The following RELN variants were observed in gnomAD, a reference collection of about 807,000 sequenced individuals.
RELN encodes reelin.
Under a neutral mutation model 427.6 loss-of-function variants are expected in RELN, and 108 were observed. The observed-to-expected ratio is 0.25, with a 90% confidence interval of 0.22 to 0.30. The LOEUF is 0.30. Among genes scored for constraint, RELN ranks in the 10% least tolerant of loss-of-function variants. RELN has a pLI of 1.00. For missense variants in RELN, 3,715 were observed against 4,302.8 expected (o/e 0.86, Z 3.82); for synonymous variants, 1,524 against 1,513.4 (o/e 1.01, Z -0.16).
At position 103,530,448 on chromosome 7, in the gene RELN, C is replaced by T. The variant is rs114814631; in HGVS notation, c.7349+4868G>A. Reference sequence around the variant, plus strand: ...CACTTAGAAGTTATTGTCACAACACCTTTGCACCCTCCTCTTATGTGAATC... The same window carrying T: ...CACTTAGAAGTTATTGTCACAACACTTTTGCACCCTCCTCTTATGTGAATC... On this transcript the variant is annotated intron_variant, in intron 46 of 64. Coordinates refer to ENST00000428762, the MANE Select transcript of RELN (RefSeq NM_005045.4). Among the ~76,000 whole-genome samples the T allele has an allele frequency of 4.4e-3, 667 of 152,296 alleles. 3 individuals are homozygous for T. Among genetic ancestry groups the T allele is most frequent in the African/African-American group, 0.015 (638 of 41,562 alleles).
rs373995185 is a variant in RELN, at chr7:103,717,928, T to C, written c.805+5212A>G. ...AAGAGTTGAGAGAGAATTTCTCTAC[T>C]GAATCAAGTTCTGAGTAATTAAGAT... is the stretch of plus-strand genomic sequence containing the variant. On this transcript the variant is annotated intron_variant, in intron 8 of 64. Coordinates refer to ENST00000428762, the MANE Select transcript of RELN (RefSeq NM_005045.4). 3.9e-5 allele frequency among the ~76,000 whole-genome samples: 6 copies of C among 152,326 alleles called. No individual in the cohort carries two copies. In the East Asian group the frequency reaches 5.8e-4, roughly 15 times the overall value.
At chr7:103,699,066 C>T (rs1298108318) in intron 9 of RELN, among the ~76,000 whole-genome samples, 1 of 152,038 alleles carries the variant, frequency 6.6e-6, no homozygotes, top group Non-Finnish European at 1.5e-5. Context: ...TACTAGAATC[C>T]AGATCCTTCT....
chr7:103,819,579 G>A (rs1792966504), intron 3 of RELN, among the ~76,000 whole-genome samples: 2 of 152,116 alleles, frequency 1.3e-5, no homozygotes, highest in Admixed American at 6.6e-5. Flanking sequence ...GATCTTTGGA[G>A]AGGTCATCTC....
At chr7:103,561,755 A>T (rs1830646852) in intron 35 of RELN, 46 bp from the exon 36 acceptor site, 2 of 1,613,786 alleles carry the variant, frequency 1.2e-6, no homozygotes, top group Non-Finnish European at 8.5e-7. Flanking sequence ...CACACGTTCA[A>T]CAAGCCATAT....
At chr7:103,522,439 A>G (rs1184731462) in intron 47 of RELN, among the ~76,000 whole-genome samples, 1 of 152,218 alleles carries the variant, frequency 6.6e-6, no homozygotes, top group African/African-American at 2.4e-5. Flanking sequence ...GTGGAGAGAA[A>G]GAAGCAACTT....
intron 1 of RELN, among the ~76,000 whole-genome samples, chr7:103,962,141 C>T (rs543725128): frequency 6.6e-6 from 1 of 152,070 alleles, no homozygotes; most frequent in African/African-American, 2.4e-5. Context: ...TTATAGAAAG[C>T]GATATTCAAC....
intron 4 of RELN, among the ~76,000 whole-genome samples, chr7:103,774,131 A>G (rs1791676422): frequency 1.3e-5 from 2 of 151,934 alleles, no homozygotes. Flanking sequence ...CCTCGTCTCT[A>G]CTAAAAATAC....
chr7:103,600,621 A>G (rs1450748533), intron 24 of RELN, among the ~76,000 whole-genome samples: 1 of 152,130 alleles, frequency 6.6e-6, no homozygotes, highest in East Asian at 1.9e-4. Flanking sequence ...CCCATAAATC[A>G]AATTTCTCCC....
intron 10 of RELN, among the ~76,000 whole-genome samples, chr7:103,696,239 T>C (rs1020427923): frequency 6.6e-6 from 1 of 152,166 alleles, no homozygotes; most frequent in African/African-American, 2.4e-5. Context: ...TATTTTCATA[T>C]GTTGGAAACT....
chr7:103,989,447 G>A lies in RELN; in HGVS notation c.-91C>T. 8 of 1,138,902 alleles carry A rather than the reference G, an allele frequency of 7.0e-6. No individual in the cohort carries two copies. Among genetic ancestry groups the A allele is most frequent in the South Asian group, 4.5e-5 (2 of 44,588 alleles). 70.5% of individuals were successfully genotyped at this position (1,138,902 alleles called of 1,614,324 possible). ...CCGGGACGGAGGAGCCACGCGGAGA[G>A]AAGGCGAGAAGAAGGCGGACGGGAG... On this transcript the variant is annotated 5_prime_UTR_variant, in exon 1 of 65. Coordinates refer to ENST00000428762, the MANE Select transcript of RELN (RefSeq NM_005045.4). The surrounding 1 kb of genome is among the most constrained non-coding windows in gnomAD (Gnocchi z 4.9).
At chr7:103,575,434 G>T in intron 29 of RELN, 114 bp downstream of exon 29, 8 of 1,235,812 alleles carry the variant, frequency 6.5e-6, no homozygotes, top group Non-Finnish European at 9.5e-6. Flanking sequence ...ACAATTCCTA[G>T]ACTTAAAGAG....
At chr7:103,829,093 G>A (rs191838941) in intron 3 of RELN, among the ~76,000 whole-genome samples, 56 of 152,084 alleles carry the variant, frequency 3.7e-4, no homozygotes, top group Non-Finnish European at 6.0e-4. Flanking sequence ...TGCAAACTGA[G>A]ATAATAATAG....
chr7:103,815,968 T>A (rs1283643129), intron 3 of RELN, among the ~76,000 whole-genome samples: 1 of 152,212 alleles, frequency 6.6e-6, no homozygotes, highest in Non-Finnish European at 1.5e-5. Flanking sequence ...TCTAGCAAGT[T>A]AAACTGTTAT....
chr7:103,932,418 G>GA (rs1390890314), intron 1 of RELN, among the ~76,000 whole-genome samples: 1 of 152,128 alleles, frequency 6.6e-6, no homozygotes, highest in Non-Finnish European at 1.5e-5. Context: ...GAGAGGAGCA[G>GA]AAAACAACAA....
intron 1 of RELN, among the ~76,000 whole-genome samples, chr7:103,924,972 G>A (rs1052001793): frequency 1.4e-5 from 2 of 140,640 alleles, no homozygotes; most frequent in African/African-American, 5.3e-5. Flanking sequence ...TCTGACACAC[G>A]TGTGCATGCG....
At chr7:103,581,646 C>A (rs1389708131) in intron 28 of RELN, among the ~76,000 whole-genome samples, 3 of 152,156 alleles carry the variant, frequency 2.0e-5, no homozygotes, top group Non-Finnish European at 2.9e-5. Flanking sequence ...CTCTGTAGTG[C>A]AACTTTAATG....
intron 3 of RELN, among the ~76,000 whole-genome samples, chr7:103,822,142 T>C (rs1335529095): frequency 6.6e-6 from 1 of 152,096 alleles, no homozygotes; most frequent in Non-Finnish European, 1.5e-5. Flanking sequence ...GCTTACATTT[T>C]TTTAATTTCC....
At chr7:103,601,983 A>C (rs543582689) in intron 24 of RELN, among the ~76,000 whole-genome samples, 1 of 152,184 alleles carries the variant, frequency 6.6e-6, no homozygotes, top group African/African-American at 2.4e-5. Context: ...CCACCAAACC[A>C]AGTCAGAGTA....
chr7:103,828,221 C>T (rs986667142), intron 3 of RELN, among the ~76,000 whole-genome samples: 1 of 152,016 alleles, frequency 6.6e-6, no homozygotes, highest in Non-Finnish European at 1.5e-5. Flanking sequence ...CAAGGCAGCA[C>T]TTCAAATCTC....
Sources: allele counts gnomAD v4.1 joint callset (sites outside exome capture counted in the v4.1 genomes callset), GRCh38; gene constraint gnomAD v4.1.1; non-coding constraint Gnocchi (gnomAD v3.1); transcripts MANE v1.5; gene names NCBI Gene and HGNC (gene_info 2026-07-23, HGNC 2026-07-21).